The following DNM3 variants were observed in gnomAD, a reference collection of about 807,000 sequenced individuals.
The protein encoded by DNM3 is dynamin 3, also known as dynamin-3.
Under a neutral mutation model 101.6 loss-of-function variants are expected in DNM3, and 47 were observed. That is an observed-to-expected ratio of 0.46 (90% CI 0.37 to 0.59). The LOEUF is 0.59. Among genes scored for constraint, DNM3 ranks in the 20% least tolerant of loss-of-function variants. DNM3 has a pLI of 0.00. For synonymous variants in DNM3, 385 were observed against 387.9 expected (o/e 0.99, Z 0.09); for missense variants, 849 against 1,085.7 (o/e 0.78, Z 3.06).
chr1:172,335,044 A>G (rs960241227), intron 17 of DNM3, among the ~76,000 whole-genome samples: 13 of 152,100 alleles, frequency 8.5e-5, no homozygotes, highest in African/African-American at 3.1e-4. Context: ...ATCAGGAAAA[A>G]CTTTTCTAAT....
At chr1:172,198,652 T>C (rs761528055) in intron 14 of DNM3, among the ~76,000 whole-genome samples, 27 of 152,214 alleles carry the variant, frequency 1.8e-4, no homozygotes, top group Non-Finnish European at 3.5e-4. Flanking sequence ...AGGATGTATG[T>C]GTCCAGGAAT....
At chr1:171,918,813 A>G (rs2125310863) in intron 1 of DNM3, among the ~76,000 whole-genome samples, 1 of 152,328 alleles carries the variant, frequency 6.6e-6, no homozygotes, top group Non-Finnish European at 1.5e-5. Context: ...TCAACACATA[A>G]TTATTTGCTA....
At chr1:172,074,145 C>A (rs1011888033) in intron 11 of DNM3, among the ~76,000 whole-genome samples, 1 of 151,906 alleles carries the variant, frequency 6.6e-6, no homozygotes, top group Non-Finnish European at 1.5e-5. Context: ...CAGATGAGGT[C>A]TATATAAGAA....
At chr1:171,893,453 C>CTTTTTTTTTTTTT (rs5778713) in intron 1 of DNM3, among the ~76,000 whole-genome samples, 1 of 147,536 alleles carries the variant, frequency 6.8e-6, no homozygotes. Flanking sequence ...TAATATTTGA[C>CTTTTTTTTTTTTT]TTTTTTTTTT....
rs111717703 is a variant in DNM3, at chr1:171,885,938, T to C, written c.162-35810T>C. Among the ~76,000 whole-genome samples, 1,195 of 152,154 alleles carry C rather than the reference T, an allele frequency of 7.9e-3. 14 individuals carry two copies. Among genetic ancestry groups the C allele is most frequent in the African/African-American group, 0.027 (1,127 of 41,498 alleles). On this transcript the variant is annotated intron_variant, in intron 1 of 20. Transcript: ENST00000627582. ...TTTGGAGACCCCTGAGGGTACAGGATGAAACTGAGAGTAGGATGAGATGTT... is the reference window on the plus strand; with the variant it reads ...TTTGGAGACCCCTGAGGGTACAGGACGAAACTGAGAGTAGGATGAGATGTT...
At chr1:172,249,190 A>C (rs1166611165) in intron 14 of DNM3, among the ~76,000 whole-genome samples, 1 of 152,096 alleles carries the variant, frequency 6.6e-6, no homozygotes, top group Non-Finnish European at 1.5e-5. Context: ...AGTTATATTG[A>C]TGGTGCTCTG....
At chr1:172,205,287 A>G (rs940445583) in intron 14 of DNM3, among the ~76,000 whole-genome samples, 6 of 152,050 alleles carry the variant, frequency 3.9e-5, no homozygotes, top group Non-Finnish European at 8.8e-5. Context: ...CATTTCAAGA[A>G]CACACTATAT....
At chr1:172,353,512 T>C (rs2067287946) in intron 17 of DNM3, among the ~76,000 whole-genome samples, 1 of 152,144 alleles carries the variant, frequency 6.6e-6, no homozygotes, top group South Asian at 2.1e-4. Flanking sequence ...CTAGCTGAAA[T>C]GTATTCATAT....
intron 14 of DNM3, among the ~76,000 whole-genome samples, chr1:172,238,005 G>A (rs1234947002): frequency 6.6e-6 from 1 of 152,082 alleles, no homozygotes; most frequent in Non-Finnish European, 1.5e-5. Flanking sequence ...GATGTCACTG[G>A]AGGAAAGTAC....
chr1:171,998,977 C>T (rs1165885504), intron 4 of DNM3, among the ~76,000 whole-genome samples: 1 of 151,878 alleles, frequency 6.6e-6, no homozygotes, highest in Non-Finnish European at 1.5e-5. Flanking sequence ...TAGGCAGGGC[C>T]CAGATCATGT....
At chr1:172,321,342 C>A (rs2065706425) in intron 16 of DNM3, among the ~76,000 whole-genome samples, 1 of 152,172 alleles carries the variant, frequency 6.6e-6, no homozygotes, top group African/African-American at 2.4e-5. Context: ...TAGCCCCCAA[C>A]ACATAACTTT....
chr1:171,894,074 G>A (rs2037540525), intron 1 of DNM3, among the ~76,000 whole-genome samples: 1 of 151,900 alleles, frequency 6.6e-6, no homozygotes, highest in African/African-American at 2.4e-5. Context: ...TGCCCACCTC[G>A]GCCTCCCAAA....
chr1:172,032,963 A>C (rs946309560), intron 5 of DNM3, 142 bp from the exon 6 acceptor site: 39 of 1,005,286 alleles, frequency 3.9e-5, no homozygotes, highest in Admixed American at 5.8e-5. Context: ...GATGTTTCCC[A>C]TTGAGTTTTA....
chr1:172,290,783 G>T (rs1184513273), intron 15 of DNM3, among the ~76,000 whole-genome samples: 4 of 152,116 alleles, frequency 2.6e-5, no homozygotes, highest in African/African-American at 9.7e-5. Flanking sequence ...CCACCATACT[G>T]GGAAGATTAC....
At chr1:171,949,663 G>T (rs1470271680) in intron 2 of DNM3, among the ~76,000 whole-genome samples, 4 of 151,234 alleles carry the variant, frequency 2.6e-5, no homozygotes, top group Admixed American at 2.6e-4. Context: ...CCGTTCTCCT[G>T]TCTTGGTTTC....
At chr1:172,028,259 G>A (rs575921199) in intron 4 of DNM3, among the ~76,000 whole-genome samples, 228 of 152,298 alleles carry the variant, frequency 1.5e-3, no homozygotes, top group African/African-American at 5.1e-3. Flanking sequence ...TCAGGATTAA[G>A]AAACTCACGA....
chr1:172,066,209 G>T (rs1469123615), intron 10 of DNM3, among the ~76,000 whole-genome samples: 1 of 149,276 alleles, frequency 6.7e-6, no homozygotes, highest in East Asian at 1.9e-4. Flanking sequence ...CTCTGTGTGT[G>T]TGTGCATGTG....
At chr1:172,341,785 ATAACT>A (rs1276754236) in intron 17 of DNM3, among the ~76,000 whole-genome samples, 1 of 152,148 alleles carries the variant, frequency 6.6e-6, no homozygotes, top group Non-Finnish European at 1.5e-5. Flanking sequence ...ACCCTGGAAG[ATAACT>A]TAGGCGATAC....
chr1:172,010,533 A>G (rs2047038872), intron 4 of DNM3, among the ~76,000 whole-genome samples: 2 of 145,504 alleles, frequency 1.4e-5, no homozygotes, highest in African/African-American at 5.1e-5. Context: ...TCTTGCTTTC[A>G]TAGTTTCTGA....
Sources: gnomAD v4.1 joint callset for allele counts (sites outside exome capture counted in the v4.1 genomes callset) on GRCh38, gnomAD v4.1.1 for gene constraint, MANE v1.5 for transcripts, NCBI Gene and HGNC (gene_info 2026-07-23, HGNC 2026-07-21) for gene names.